Variants in PRKCQ observed in about 807,000 individuals in gnomAD.
The protein encoded by PRKCQ is protein kinase C theta type.
In PRKCQ, 41 loss-of-function variants were observed where a neutral mutation model predicts 91.2. That is an observed-to-expected ratio of 0.45 (90% CI 0.35 to 0.58). The LOEUF is 0.58. Ranked by LOEUF, PRKCQ falls within the 20% of genes least tolerant of loss-of-function variation. The pLI is 0.00. For missense variants in PRKCQ, 673 were observed against 896.5 expected (o/e 0.75, Z 3.18); for synonymous variants, 307 against 316.9 (o/e 0.97, Z 0.33).
rs557974819 is a variant in PRKCQ at position 6,458,954 on chromosome 10, C to A, written c.1509-2142G>T. Reference sequence around the variant, plus strand: ...AGGGCTTACATCATCTTTGAAGATGCCGTCGATTTTGTGGTTCCTCTGGCA... The same window carrying A: ...AGGGCTTACATCATCTTTGAAGATGACGTCGATTTTGTGGTTCCTCTGGCA... On this transcript the variant is annotated intron_variant, in intron 14 of 17. Coordinates refer to ENST00000263125, the MANE Select transcript of PRKCQ (RefSeq NM_006257.5). 6.4e-4 allele frequency among the ~76,000 whole-genome samples: 98 copies of A among 152,306 alleles called. 2 individuals are homozygous for A. The South Asian group carries it at 0.01, about 16-fold the overall frequency.
intron 12 of PRKCQ, among the ~76,000 whole-genome samples, chr10:6,476,305 A>C (rs926970219): frequency 3.8e-5 from 5 of 131,088 alleles, no homozygotes; most frequent in African/African-American, 1.4e-4. Context: ...ACTGTCATAC[A>C]TGCAAATCAA....
chr10:6,482,781 G>C (rs189534494), intron 11 of PRKCQ, among the ~76,000 whole-genome samples: 112 of 152,240 alleles, frequency 7.4e-4, no homozygotes, highest in Admixed American at 4.6e-4. Context: ...AGAGCAAAGG[G>C]ACGTCTTACG....
At chr10:6,397,536 T>G in the PRKCQ span, among the ~76,000 whole-genome samples, 1 of 152,258 alleles carries the variant, frequency 6.6e-6, no homozygotes, top group Non-Finnish European at 1.5e-5. Flanking sequence ...ACTTCCTTGA[T>G]AGTGTTGTTT....
At chr10:6,469,277 C>T (rs188518365) in intron 12 of PRKCQ, among the ~76,000 whole-genome samples, 1 of 152,142 alleles carries the variant, frequency 6.6e-6, no homozygotes, top group Non-Finnish European at 1.5e-5. Context: ...CAAGAAGGAT[C>T]GTGACAAATT....
rs191243361 is a variant in PRKCQ, at chr10:6,470,377, T to A, written c.1354-5973A>T. Among the ~76,000 whole-genome samples the A allele has an allele frequency of 1.6e-4, 24 of 152,308 alleles. No homozygotes were observed. The East Asian group carries it at 4.6e-3, about 29-fold the overall frequency. ...TGCAGTACGTTGATTCTGACGCTCA[T>A]ATATTCCCACAGTTTCCCCTGAAGA... On this transcript the variant is annotated intron_variant, in intron 12 of 17. Coordinates refer to ENST00000263125, the MANE Select transcript of PRKCQ (RefSeq NM_006257.5).
At chr10:6,491,512 G>A (rs1837296553) in intron 8 of PRKCQ, among the ~76,000 whole-genome samples, 171 bp downstream of exon 8, 1 of 152,142 alleles carries the variant, frequency 6.6e-6, no homozygotes, top group South Asian at 2.1e-4. Flanking sequence ...AGGGTGCAAG[G>A]AAAGGAACAT....
At chr10:6,491,875 C>A (rs1837324834) in intron 7 of PRKCQ, 63 bp from the exon 8 acceptor site, 1 of 1,596,992 alleles carries the variant, frequency 6.3e-7, no homozygotes, top group African/African-American at 1.3e-5. Flanking sequence ...GATGTTCTTG[C>A]AGATACCTTA....
intron 1 of PRKCQ, among the ~76,000 whole-genome samples, chr10:6,545,020 G>A (rs188727749): frequency 1.7e-4 from 26 of 151,896 alleles, no homozygotes; most frequent in African/African-American, 4.3e-4. Context: ...GAAAAATAGC[G>A]GGAAAATGTG....
intron 1 of PRKCQ, among the ~76,000 whole-genome samples, chr10:6,530,489 C>A (rs1839352990): frequency 1.3e-5 from 2 of 152,232 alleles, no homozygotes; most frequent in South Asian, 4.1e-4. Context: ...GAATACTCTA[C>A]GGAAGCCCGC....
rs1193210284 is a variant in PRKCQ, at chr10:6,497,047, G to C, written c.648C>G (p.Ser216Arg). ...IAKCTGSAIN[S>R]RETMFHKERF... ...TGTAAATACTCACCATGGTTTCTCGGCTATTGATAGCTGATCCTGTGCACT... is the reference window on the plus strand; with the variant it reads ...TGTAAATACTCACCATGGTTTCTCGCCTATTGATAGCTGATCCTGTGCACT... The change falls in exon 7 of 18, where the codon AGC (serine) becomes AGG (arginine). Residue 216 changes from serine (S) to arginine (R), a missense_variant. Coordinates refer to ENST00000263125, the MANE Select transcript of PRKCQ (RefSeq NM_006257.5). The surrounding 1 kb of genome is among the most constrained non-coding windows in gnomAD (Gnocchi z 4.5). 1 of 1,612,390 alleles carries C rather than the reference G, an allele frequency of 6.2e-7. No homozygotes were observed. Among genetic ancestry groups the C allele is most frequent in the African/African-American group, 1.3e-5 (1 of 74,870 alleles).
the PRKCQ span, among the ~76,000 whole-genome samples, chr10:6,398,807 G>A: frequency 6.6e-6 from 1 of 151,876 alleles, no homozygotes; most frequent in Non-Finnish European, 1.5e-5. Flanking sequence ...AGGCTGGAGT[G>A]CAGTGGCGCA....
chr10:6,397,725 A>C, the PRKCQ span, among the ~76,000 whole-genome samples: 2 of 152,220 alleles, frequency 1.3e-5, no homozygotes, highest in African/African-American at 4.8e-5. Flanking sequence ...AGAGTTTGAG[A>C]CCAGCCTGGC....
At chr10:6,525,148 C>CTT (rs55673084) in intron 1 of PRKCQ, among the ~76,000 whole-genome samples, 1,594 of 134,078 alleles carry the variant, frequency 0.012, 22 homozygotes, top group African/African-American at 0.038. Context: ...ATTTTAAGTT[C>CTT]TTTTTTTTTT....
chr10:6,456,558 C>A, intron 15 of PRKCQ, 116 bp downstream of exon 15: 1 of 1,358,300 alleles, frequency 7.4e-7, no homozygotes, highest in Non-Finnish European at 9.9e-7. Context: ...CTTAAGAAAA[C>A]AGGTACAAAT....
chr10:6,551,023 C>T lies in PRKCQ; in HGVS notation c.-10+29188G>A, dbSNP rs114011397. ...TTTTTTTAAATGTTTATTTTAGGTTCAGGGGTACGCCTGCAGGTTTGTTAT... is the reference window on the plus strand; with the variant it reads ...TTTTTTTAAATGTTTATTTTAGGTTTAGGGGTACGCCTGCAGGTTTGTTAT... On this transcript the variant is annotated intron_variant, in intron 1 of 17. Coordinates refer to ENST00000263125, the MANE Select transcript of PRKCQ (RefSeq NM_006257.5). 4.0e-3 allele frequency among the ~76,000 whole-genome samples: 605 copies of T among 152,126 alleles called. 1 individual carries two copies. The highest frequency in any genetic ancestry group is 0.014 in the African/African-American group (570 of 41,494).
At chr10:6,409,210 T>C in the PRKCQ span, among the ~76,000 whole-genome samples, 1 of 152,232 alleles carries the variant, frequency 6.6e-6, no homozygotes, top group Non-Finnish European at 1.5e-5. Context: ...TGTATGTTGC[T>C]TGTGACCTTA....
chr10:6,406,392 G>C, the PRKCQ span, among the ~76,000 whole-genome samples: 1 of 151,308 alleles, frequency 6.6e-6, no homozygotes, highest in African/African-American at 2.4e-5. Flanking sequence ...TCTAACCTGT[G>C]GTTCCAGAAT....
intron 1 of PRKCQ, among the ~76,000 whole-genome samples, chr10:6,523,696 C>T (rs746730544): frequency 1.1e-4 from 16 of 152,106 alleles, no homozygotes; most frequent in Non-Finnish European, 2.1e-4. Flanking sequence ...AATAAAACAC[C>T]TGGGATGACA....
At position 6,483,425 on chromosome 10, in the gene PRKCQ, C is replaced by T. The variant is rs374544370; in HGVS notation, c.1179+15G>A. ...CTGGAGTTGGGCCATAGCATTCTCC[C>T]GTGCATTAGCTTACCTTGCCAAAAC... On this transcript the variant is annotated intron_variant, in intron 11 of 17. Transcript: ENST00000263125. The T allele has an allele frequency of 8.1e-5, 130 of 1,614,072 alleles. No individual in the cohort carries two copies. In the African/African-American group the frequency reaches 1.4e-3, roughly 18 times the overall value.
Sources: gnomAD v4.1 joint callset for allele counts (sites outside exome capture counted in the v4.1 genomes callset) on GRCh38, gnomAD v4.1.1 for gene constraint, Gnocchi (gnomAD v3.1) non-coding constraint, MANE v1.5 for transcripts, NCBI Gene and HGNC (gene_info 2026-07-23, HGNC 2026-07-21) for gene names.